The following NALCN variants were observed in gnomAD, a reference collection of about 807,000 sequenced individuals.
NALCN encodes sodium leak channel, non-selective.
NALCN carries 111 observed loss-of-function variants against 225.3 expected under a neutral mutation model. That is an observed-to-expected ratio of 0.49 (90% confidence interval 0.42 to 0.58). NALCN has a LOEUF of 0.58. Among genes scored for constraint, NALCN ranks in the 20% least tolerant of loss-of-function variants. NALCN has a pLI of 0.00. For synonymous variants in NALCN, 764 were observed against 769.0 expected (o/e 0.99, Z 0.11); for missense variants, 1,378 against 2,202.4 (o/e 0.63, Z 7.49).
intron 11 of NALCN, among the ~76,000 whole-genome samples, chr13:101,251,477 A>G (rs1267661942): frequency 2.0e-5 from 3 of 152,232 alleles, no homozygotes; most frequent in African/African-American, 7.2e-5. Flanking sequence ...GAAAAACCTG[A>G]CCCAAACATG....
intron 1 of NALCN, among the ~76,000 whole-genome samples, chr13:101,414,193 C>T (rs2047868816): frequency 6.6e-6 from 1 of 152,028 alleles, no homozygotes. Flanking sequence ...CCTTGGGGAC[C>T]ATTCTTAATA....
At chr13:101,364,538 T>TA (rs1404999512) in intron 6 of NALCN, among the ~76,000 whole-genome samples, 1 of 152,082 alleles carries the variant, frequency 6.6e-6, no homozygotes, top group Non-Finnish European at 1.5e-5. Flanking sequence ...AAGTGGATCT[T>TA]ATGAAGATAG....
intron 6 of NALCN, among the ~76,000 whole-genome samples, chr13:101,357,022 T>G (rs899947059): frequency 6.6e-6 from 1 of 152,206 alleles, no homozygotes; most frequent in Non-Finnish European, 1.5e-5. Context: ...AACTAGGTAT[T>G]GATGGAACAT....
At chr13:101,389,453 C>T (rs1057030114) in intron 3 of NALCN, among the ~76,000 whole-genome samples, 1 of 152,162 alleles carries the variant, frequency 6.6e-6, no homozygotes, top group Admixed American at 6.5e-5. Context: ...CCAAAGGACA[C>T]CCAACAAAAA....
intron 14 of NALCN, among the ~76,000 whole-genome samples, chr13:101,187,753 C>G (rs1334401511): frequency 6.6e-6 from 1 of 152,170 alleles, no homozygotes; most frequent in Non-Finnish European, 1.5e-5. Context: ...TGTAAGAACA[C>G]AGGAATTCTC....
chr13:101,416,617 G>T (rs1327198103), upstream of NALCN: 1 of 152,248 alleles, frequency 6.6e-6, no homozygotes, highest in Non-Finnish European at 1.5e-5. Flanking sequence ...TTGCTACAGG[G>T]ACTGCAGTGA....
intron 9 of NALCN, among the ~76,000 whole-genome samples, chr13:101,289,369 G>A (rs2043462544): frequency 1.3e-5 from 2 of 151,990 alleles, no homozygotes; most frequent in African/African-American, 4.8e-5. Flanking sequence ...GCATTTGGTG[G>A]TGACCATTCA....
chr13:101,124,472 A>G lies in NALCN; in HGVS notation c.2192+136T>C, dbSNP rs564938994. ...TGTCTTTTACATTGTTTATAAGTAC[A>G]TAGATACTCAAAGCTACTTTCTGGC... On this transcript the variant is annotated intron_variant, in intron 18 of 43. Transcript: ENST00000251127. The G allele has an allele frequency of 2.0e-4, 149 of 749,242 alleles. No individual in the cohort carries two copies. The African/African-American group carries it at 2.3e-3, about 12-fold the overall frequency. 46.4% of individuals were successfully genotyped at this position (749,242 alleles called of 1,614,324 possible).
At chr13:101,073,139 A>G (rs541027460) in intron 37 of NALCN, among the ~76,000 whole-genome samples, 54 of 152,284 alleles carry the variant, frequency 3.5e-4, no homozygotes, top group Middle Eastern at 3.4e-3. Context: ...AGAAGGAAGT[A>G]TAAAGTATAC....
chr13:101,399,057 G>A lies in NALCN; in HGVS notation c.70C>T (p.Leu24=). Residue 24 remains leucine, a synonymous_variant, in exon 2 of 44, where the codon CTG becomes TTG. Coordinates refer to ENST00000251127, the MANE Select transcript of NALCN (RefSeq NM_052867.4). ...PVTDFGPDES[L]SDNADILWIN... ...CAGAGGATGTCAGCATTATCCGACAGAGACTCATCAGGACCAAAGTCAGTG... is the reference window on the plus strand; with the variant it reads ...CAGAGGATGTCAGCATTATCCGACAAAGACTCATCAGGACCAAAGTCAGTG... 6.2e-7 allele frequency: 1 copy of A among 1,613,052 alleles called. No individual in the cohort carries two copies. Among genetic ancestry groups the A allele is most frequent in the Non-Finnish European group, 8.5e-7 (1 of 1,179,128 alleles).
intron 11 of NALCN, among the ~76,000 whole-genome samples, chr13:101,253,386 A>T (rs1217034167): frequency 6.6e-6 from 1 of 152,202 alleles, no homozygotes; most frequent in Non-Finnish European, 1.5e-5. Flanking sequence ...GAACTTAAAA[A>T]ATAACTTCTT....
chr13:101,392,013 A>T (rs753523917), intron 3 of NALCN, among the ~76,000 whole-genome samples: 7 of 151,504 alleles, frequency 4.6e-5, no homozygotes, highest in Admixed American at 3.3e-4. Flanking sequence ...ACAAAAAAAA[A>T]ACAAAAAATA....
chr13:101,177,455 T>A (rs1005961468), intron 14 of NALCN, among the ~76,000 whole-genome samples: 1 of 135,442 alleles, frequency 7.4e-6, no homozygotes, highest in African/African-American at 2.6e-5. Flanking sequence ...ACTATGCATA[T>A]AACGGAGTAA....
chr13:101,335,965 T>A (rs1261511495), intron 7 of NALCN, among the ~76,000 whole-genome samples: 4 of 152,076 alleles, frequency 2.6e-5, no homozygotes, highest in Non-Finnish European at 4.4e-5. Flanking sequence ...TCAATTTACA[T>A]CCCATTATAA....
chr13:101,368,658 T>G (rs1398304158), intron 6 of NALCN: 1 of 152,240 alleles, frequency 6.6e-6, no homozygotes, highest in Non-Finnish European at 1.5e-5. Flanking sequence ...TGCTGACAGT[T>G]TTTCTGCTTA....
chr13:101,270,371 T>C (rs1256155956), intron 10 of NALCN, among the ~76,000 whole-genome samples: 10 of 152,200 alleles, frequency 6.6e-5, no homozygotes, highest in Non-Finnish European at 8.8e-5. Flanking sequence ...TCACTTCAAA[T>C]TGACTTTTAT....
intron 6 of NALCN, among the ~76,000 whole-genome samples, chr13:101,369,377 T>A (rs57022825): frequency 0.2 from 29,914 of 151,996 alleles, 3,103 homozygotes; most frequent in Non-Finnish European, 0.24. Context: ...AAGGCATGTT[T>A]TCATGCATTT....
chr13:101,172,652 C>T (rs1326566707), intron 15 of NALCN, among the ~76,000 whole-genome samples: 3 of 152,254 alleles, frequency 2.0e-5, no homozygotes, highest in African/African-American at 4.8e-5. Flanking sequence ...CTCCGCCTCC[C>T]GGGTTTACGC....
At chr13:101,132,237 T>C (rs1305695039) in intron 17 of NALCN, among the ~76,000 whole-genome samples, 1 of 152,128 alleles carries the variant, frequency 6.6e-6, no homozygotes, top group East Asian at 1.9e-4. Flanking sequence ...TTTTCTTATT[T>C]TCATTGGTGT....
Sources: allele counts gnomAD v4.1 joint callset (sites outside exome capture counted in the v4.1 genomes callset), GRCh38; gene constraint gnomAD v4.1.1; transcripts MANE v1.5; gene names NCBI Gene and HGNC (gene_info 2026-07-23, HGNC 2026-07-21).